Variants in SUMF1 observed in about 807,000 individuals in gnomAD.
SUMF1 encodes the protein formylglycine-generating enzyme.
A neutral mutation model predicts 47.6 loss-of-function variants in SUMF1; 48 were observed. The observed-to-expected ratio is 1.01, with a 90% CI of 0.80 to 1.28. The LOEUF is 1.28. Ranked by LOEUF, SUMF1 falls within the 50% of genes most tolerant of loss-of-function variation. SUMF1 has a pLI of 0.00. For synonymous variants in SUMF1, 230 were observed against 192.1 expected, an observed-to-expected ratio of 1.20 and a Z score of -1.63; for missense variants, 571 against 485.4, an observed-to-expected ratio of 1.18 and a Z score of -1.66.
chr3:4,126,118 A>G (rs1693650165), intron 8 of SUMF1, among the ~76,000 whole-genome samples: 1 of 151,634 alleles, frequency 6.6e-6, no homozygotes, highest in African/African-American at 2.4e-5. Context: ...TTATATATAG[A>G]TGCTTCTTTT....
At chr3:4,110,552 A>G (rs1693273832) in intron 8 of SUMF1, among the ~76,000 whole-genome samples, 1 of 152,082 alleles carries the variant, frequency 6.6e-6, no homozygotes, top group Non-Finnish European at 1.5e-5. Context: ...ACGTATGTTT[A>G]TAGTGGCACT....
At chr3:4,118,419 A>C (rs910756474) in intron 8 of SUMF1, among the ~76,000 whole-genome samples, 1 of 152,136 alleles carries the variant, frequency 6.6e-6, no homozygotes, top group Non-Finnish European at 1.5e-5. Flanking sequence ...TAAAAGAGAA[A>C]AAAATAAGAA....
chr3:4,179,123 C>T (rs2266337), intron 8 of SUMF1, among the ~76,000 whole-genome samples: 124,683 of 152,096 alleles, frequency 0.82, 51,469 homozygotes, highest in Admixed American at 0.88. Context: ...AAGTAATTTA[C>T]AGATTCAGTG....
chr3:4,335,062 G>C (rs993758142), intron 8 of SUMF1, among the ~76,000 whole-genome samples: 4 of 152,122 alleles, frequency 2.6e-5, no homozygotes, highest in African/African-American at 7.2e-5. Context: ...GGTAAAATTT[G>C]TCTTTCGGCA....
intron 7 of SUMF1, among the ~76,000 whole-genome samples, chr3:4,403,592 C>G (rs1701282638): frequency 6.6e-6 from 1 of 152,070 alleles, no homozygotes; most frequent in Non-Finnish European, 1.5e-5. Flanking sequence ...ATCTGAAGAG[C>G]TTGTCTGTAC....
At chr3:4,292,319 G>T (rs1697756756) in intron 8 of SUMF1, among the ~76,000 whole-genome samples, 1 of 152,192 alleles carries the variant, frequency 6.6e-6, no homozygotes, top group African/African-American at 2.4e-5. Context: ...TAAACGCAAG[G>T]CGTTTTGTTT....
chr3:4,327,463 C>T (rs1221996434), intron 8 of SUMF1, among the ~76,000 whole-genome samples: 1 of 151,444 alleles, frequency 6.6e-6, no homozygotes, highest in Non-Finnish European at 1.5e-5. Context: ...CAAAGTAAAA[C>T]AATAATTGTC....
At chr3:4,414,364 C>T (rs1177404518) in intron 6 of SUMF1, among the ~76,000 whole-genome samples, 3 of 152,214 alleles carry the variant, frequency 2.0e-5, no homozygotes, top group Non-Finnish European at 4.4e-5. Context: ...ATAATAAATA[C>T]ATGAAATATC....
At position 4,193,731 on chromosome 3, in the gene SUMF1, G is replaced by A. The variant is rs189548682; in HGVS notation, c.1015-124986C>T. On this transcript the variant is annotated intron_variant and NMD_transcript_variant, in intron 8 of 12. Coordinates refer to the SUMF1 transcript ENST00000448413. ...TTTCAGAAGTAGCATGATGTGGTTT[G>A]AGTTAAACTTATAGGACTCAAATTT... Among the ~76,000 whole-genome samples, 606 of 152,178 alleles carry A rather than the reference G, an allele frequency of 4.0e-3. 5 individuals are homozygous for A. Among genetic ancestry groups the A allele is most frequent in the African/African-American group, 0.014 (574 of 41,518 alleles).
chr3:4,132,588 T>C (rs1056608166), intron 8 of SUMF1, among the ~76,000 whole-genome samples: 5 of 151,998 alleles, frequency 3.3e-5, no homozygotes, highest in African/African-American at 1.2e-4. Context: ...AGCAAAATTT[T>C]TGCTTCCTGT....
At chr3:4,035,105 G>A (rs528233687) in intron 9 of SUMF1, among the ~76,000 whole-genome samples, 2 of 152,166 alleles carry the variant, frequency 1.3e-5, no homozygotes, top group East Asian at 1.9e-4. Context: ...TAATAAAGTG[G>A]GGGACATTTT....
At chr3:4,318,905 CAAAA>C (rs974535349) in intron 8 of SUMF1, among the ~76,000 whole-genome samples, 4 of 150,416 alleles carry the variant, frequency 2.7e-5, no homozygotes, top group African/African-American at 4.9e-5. Context: ...GACTGCCTCT[CAAAA>C]AAACACAAAA....
chr3:4,375,240 C>A (rs986194709), intron 8 of SUMF1, among the ~76,000 whole-genome samples: 1 of 150,482 alleles, frequency 6.6e-6, no homozygotes, highest in Non-Finnish European at 1.5e-5. Flanking sequence ...CTATGAACTT[C>A]AACCTGAATC....
At chr3:4,172,930 T>A (rs1051161724) in intron 8 of SUMF1, among the ~76,000 whole-genome samples, 1 of 152,216 alleles carries the variant, frequency 6.6e-6, no homozygotes, top group Non-Finnish European at 1.5e-5. Context: ...TCTTTGCCCA[T>A]GCCTATGTTT....
At chr3:4,194,045 T>C (rs1034040457) in intron 8 of SUMF1, among the ~76,000 whole-genome samples, 1 of 152,142 alleles carries the variant, frequency 6.6e-6, no homozygotes, top group African/African-American at 2.4e-5. Flanking sequence ...AGTTCTACAA[T>C]TGTCTATTGC....
chr3:4,244,764 C>G (rs556228743), intron 8 of SUMF1, among the ~76,000 whole-genome samples: 272 of 151,918 alleles, frequency 1.8e-3, no homozygotes, highest in Non-Finnish European at 3.0e-3. Flanking sequence ...GAGTATCTCT[C>G]TGGTGTTCTC....
intron 8 of SUMF1, chr3:4,313,241 A>T (rs752459615): frequency 6.2e-7 from 1 of 1,613,984 alleles, no homozygotes; most frequent in South Asian, 1.1e-5. Context: ...TTTGTCTGTG[A>T]ATATGCTGGT....
intron 8 of SUMF1, among the ~76,000 whole-genome samples, chr3:4,365,828 T>G (rs1373344198): frequency 6.6e-6 from 1 of 152,118 alleles, no homozygotes; most frequent in African/African-American, 2.4e-5. Flanking sequence ...TCTTTACAAT[T>G]TGGCATGATT....
chr3:4,329,429 C>A (rs1484176628), intron 8 of SUMF1, among the ~76,000 whole-genome samples: 4 of 152,224 alleles, frequency 2.6e-5, no homozygotes, highest in Non-Finnish European at 5.9e-5. Flanking sequence ...CTTCTGTGTA[C>A]CCACAGGCTC....
Sources: allele counts gnomAD v4.1 joint callset (sites outside exome capture counted in the v4.1 genomes callset), GRCh38; gene constraint gnomAD v4.1.1; transcripts MANE v1.5; gene names NCBI Gene and HGNC (gene_info 2026-07-23, HGNC 2026-07-21).